Variants in SLC22A23 observed in about 807,000 individuals in gnomAD.
The protein encoded by SLC22A23 is ion transporter protein.
In SLC22A23, 26 loss-of-function variants were observed where a neutral mutation model predicts 61.0. The ratio of observed to expected loss-of-function variants is 0.43; its 90% confidence interval spans 0.31 to 0.59. The LOEUF (loss-of-function observed/expected upper bound fraction) is 0.59. Ranked by LOEUF, SLC22A23 falls within the 20% of genes least tolerant of loss-of-function variation. The pLI is 0.11. For synonymous variants in SLC22A23, 430 were observed against 413.9 expected, an observed-to-expected ratio of 1.04 and a Z score of -0.47; for missense variants, 796 against 934.7, an observed-to-expected ratio of 0.85 and a Z score of 1.94.
Position 3,271,937 on chromosome 6 carries a change from A to T in SLC22A23, c.*1118T>A, listed in dbSNP as rs926970759. ...ATCTCCGCTCCCTGCCCGAAGCCCCACCTCTGTGCTATGCGAGTGACTGCA... is the reference window on the plus strand; with the variant it reads ...ATCTCCGCTCCCTGCCCGAAGCCCCTCCTCTGTGCTATGCGAGTGACTGCA... On this transcript the variant is annotated 3_prime_UTR_variant, in exon 10 of 10. Transcript: ENST00000406686. 1 of 152,306 alleles carries T rather than the reference A, an allele frequency of 6.6e-6. No homozygotes were observed. Among genetic ancestry groups the T allele is most frequent in the Admixed American group, 6.5e-5 (1 of 15,284 alleles). The allele number at this position is 152,306 out of a possible 1,614,324, so 9.4% of individuals were successfully genotyped here.
chr6:3,444,926 G>C (rs1771810112), intron 1 of SLC22A23: 2 of 985,530 alleles, frequency 2.0e-6, no homozygotes, highest in Non-Finnish European at 2.4e-6. Flanking sequence ...CCCCCTCAAA[G>C]TGCTTCTCAG....
chr6:3,436,292 C>A (rs1300743204), intron 1 of SLC22A23, among the ~76,000 whole-genome samples: 1 of 152,084 alleles, frequency 6.6e-6, no homozygotes, highest in African/African-American at 2.4e-5. Flanking sequence ...CCCGCCACCA[C>A]GTCCAGCTAT....
chr6:3,304,289 T>A lies in SLC22A23; in HGVS notation c.1083-6071A>T, dbSNP rs77783542. Among the ~76,000 whole-genome samples the A allele has an allele frequency of 1.0e-3, 155 of 152,266 alleles. 1 individual carries two copies. Among genetic ancestry groups the A allele is most frequent in the African/African-American group, 3.6e-3 (150 of 41,564 alleles). On this transcript the variant is annotated intron_variant, in intron 4 of 9. Transcript: ENST00000406686. This position sits in a 1 kb window ranked among gnomAD's most constrained non-coding sequence, Gnocchi z 4.3. Reference sequence around the variant, plus strand: ...CTCCCTCATCTTTGTCATCCTCCAATTGGGTCTAAAGGCAACACACTTTGG... The same window carrying A: ...CTCCCTCATCTTTGTCATCCTCCAAATGGGTCTAAAGGCAACACACTTTGG...
At chr6:3,396,596 G>T (rs1205330185) in intron 3 of SLC22A23, among the ~76,000 whole-genome samples, 1 of 152,118 alleles carries the variant, frequency 6.6e-6, no homozygotes, top group East Asian at 1.9e-4. Context: ...CTAGCAGGGA[G>T]GCACACAGGC....
chr6:3,370,261 G>A (rs1007868880), intron 3 of SLC22A23, among the ~76,000 whole-genome samples: 4 of 152,166 alleles, frequency 2.6e-5, no homozygotes, highest in African/African-American at 9.7e-5. Context: ...TGACTGAAAG[G>A]GAAATTATTT....
chr6:3,272,830 T>C lies in SLC22A23; in HGVS notation c.*225A>G, dbSNP rs1343540509. On this transcript the variant is annotated 3_prime_UTR_variant, in exon 10 of 10. Transcript: ENST00000406686. ...AAAATGACCAAAATAAATACACACATTTAACGGCAGAAAAGAAAGTCTTGA... is the reference window on the plus strand; with the variant it reads ...AAAATGACCAAAATAAATACACACACTTAACGGCAGAAAAGAAAGTCTTGA... 2.1e-6 allele frequency: 1 copy of C among 472,506 alleles called. No homozygotes were observed. Among genetic ancestry groups the C allele is most frequent in the South Asian group, 4.0e-5 (1 of 24,942 alleles). 29.3% of individuals were successfully genotyped at this position (472,506 alleles called of 1,614,324 possible). A position where few individuals can be genotyped will look rare whatever the true frequency, so the allele number is the denominator to read the frequency against.
Position 3,386,774 on chromosome 6 carries a change from G to A in SLC22A23, c.913+23414C>T, listed in dbSNP as rs1223728185. On this transcript the variant is annotated intron_variant, in intron 3 of 9. Coordinates refer to ENST00000406686, the MANE Select transcript of SLC22A23 (RefSeq NM_015482.2). The surrounding 1 kb of genome is among the most constrained non-coding windows in gnomAD (Gnocchi z 4.4). ...TGGGTCTCCCACCCAGGGCACCACT[G>A]GAAGGACATCTGGAAAGTCTGCATA... 1.3e-5 allele frequency among the ~76,000 whole-genome samples: 2 copies of A among 152,228 alleles called. No homozygotes were observed. Among genetic ancestry groups the A allele is most frequent in the Admixed American group, 1.3e-4 (2 of 15,290 alleles).
At chr6:3,438,480 T>G (rs1377817704) in intron 1 of SLC22A23, 1 of 456,442 alleles carries the variant, frequency 2.2e-6, no homozygotes, top group Non-Finnish European at 4.4e-6. Flanking sequence ...TAAACAGTGC[T>G]TACGTTCAGC....
chr6:3,445,487 A>C (rs2127555205), intron 1 of SLC22A23, among the ~76,000 whole-genome samples: 1 of 152,384 alleles, frequency 6.6e-6, no homozygotes, highest in South Asian at 2.1e-4. Flanking sequence ...GGCATGAGCC[A>C]CTGTGCCCGG....
At chr6:3,280,570 A>T (rs1157762080) in intron 9 of SLC22A23, among the ~76,000 whole-genome samples, 2 of 135,158 alleles carry the variant, frequency 1.5e-5, no homozygotes, top group Non-Finnish European at 3.0e-5. Context: ...ATCTCGGCTC[A>T]CTGTAAGCTC....
intron 9 of SLC22A23, 128 bp from the exon 10 acceptor site, chr6:3,273,540 C>T: frequency 1.1e-6 from 1 of 943,122 alleles, no homozygotes; most frequent in Non-Finnish European, 1.6e-6. Flanking sequence ...CCAGTATACC[C>T]CGACCTCACA....
At chr6:3,353,701 T>C (rs1300442733) in intron 3 of SLC22A23, among the ~76,000 whole-genome samples, 2 of 152,180 alleles carry the variant, frequency 1.3e-5, no homozygotes, top group African/African-American at 4.8e-5. Context: ...GATGTGGCTC[T>C]TCTGCCCTGT....
intron 3 of SLC22A23, among the ~76,000 whole-genome samples, chr6:3,401,203 G>T (rs909151264): frequency 3.3e-5 from 5 of 152,180 alleles, no homozygotes; most frequent in African/African-American, 9.6e-5. Flanking sequence ...TTAGCCGGGC[G>T]TGGTGGCGCC....
intron 3 of SLC22A23, among the ~76,000 whole-genome samples, chr6:3,382,174 A>G (rs1581789077): frequency 1.3e-5 from 2 of 152,200 alleles, no homozygotes; most frequent in South Asian, 4.1e-4. Context: ...GACAGGGTTG[A>G]GCCACCAACT....
At chr6:3,392,448 T>C (rs1042934289) in intron 3 of SLC22A23, among the ~76,000 whole-genome samples, 1 of 152,116 alleles carries the variant, frequency 6.6e-6, no homozygotes, top group African/African-American at 2.4e-5. Context: ...TGCAGGAGAG[T>C]AGAAGCTCTG....
At chr6:3,378,702 G>T (rs1766759048) in intron 3 of SLC22A23, among the ~76,000 whole-genome samples, 1 of 130,846 alleles carries the variant, frequency 7.6e-6, no homozygotes, top group African/African-American at 2.9e-5. Flanking sequence ...TTGTTGCCCA[G>T]GCTGGAGTGC....
At position 3,451,607 on chromosome 6, in the gene SLC22A23, T is replaced by G. The variant is rs148334152; in HGVS notation, c.654+4299A>C. Among the ~76,000 whole-genome samples, 15 of 152,314 alleles carry G rather than the reference T, an allele frequency of 9.8e-5. No individual in the cohort carries two copies. The East Asian group carries it at 2.5e-3, about 25-fold the overall frequency. ...TAAGATCTCAGAAGTATCTGAGAAC[T>G]TGGGCTGCGCAGGGAATGCTGGTGT... On this transcript the variant is annotated intron_variant, in intron 1 of 9. Transcript: ENST00000406686.
At chr6:3,405,043 G>A (rs890657856) in intron 3 of SLC22A23, among the ~76,000 whole-genome samples, 7 of 151,786 alleles carry the variant, frequency 4.6e-5, no homozygotes, top group African/African-American at 1.2e-4. Context: ...GGCGGATCAC[G>A]AGGTCAGGAG....
At chr6:3,445,114 A>G (rs552051239) in intron 1 of SLC22A23, 4 of 341,128 alleles carry the variant, frequency 1.2e-5, no homozygotes, top group South Asian at 2.4e-4. Context: ...ACCATTGAGG[A>G]AACAGGTGCA....
Sources: gnomAD v4.1 joint callset for allele counts (sites outside exome capture counted in the v4.1 genomes callset) on GRCh38, gnomAD v4.1.1 for gene constraint, Gnocchi (gnomAD v3.1) non-coding constraint, MANE v1.5 for transcripts, NCBI Gene and HGNC (gene_info 2026-07-23, HGNC 2026-07-21) for gene names.